Variants in APPL2 observed in about 807,000 individuals in gnomAD.
The protein encoded by APPL2 is adaptor protein, phosphotyrosine interacting with PH domain and leucine zipper 2, also known as DCC-interacting protein 13-beta.
A neutral mutation model predicts 92.7 loss-of-function variants in APPL2; 84 were observed. That is an observed-to-expected ratio of 0.91 (90% CI 0.76 to 1.09). APPL2 has a LOEUF of 1.09. APPL2 is among the 50% of genes least tolerant of loss of function. APPL2 has a pLI of 0.00. For missense variants in APPL2, 736 were observed against 824.5 expected, an observed-to-expected ratio of 0.89 and a Z score of 1.31; for synonymous variants, 291 against 291.0, an observed-to-expected ratio of 1.00 and a Z score of 0.00.
chr12:105,199,501 T>C lies in APPL2; in HGVS notation c.735A>G (p.Glu245=), dbSNP rs756266668. ...SIQVELEAEA[E]KMRVSQQELL... Reference sequence around the variant, plus strand: ...ATTCTTGCTGGGACACCCGCATCTTTTCCGCCTCGGCTTCCAGTTCTACCT... The same window carrying C: ...ATTCTTGCTGGGACACCCGCATCTTCTCCGCCTCGGCTTCCAGTTCTACCT... The change falls in exon 10 of 21, where the codon GAA becomes GAG. Residue 245 remains glutamate (E), a synonymous_variant. Coordinates refer to ENST00000258530, the MANE Select transcript of APPL2 (RefSeq NM_018171.5). 6.2e-7 allele frequency: 1 copy of C among 1,613,974 alleles called. No individual in the cohort carries two copies. The highest frequency in any genetic ancestry group is 1.1e-5 in the South Asian group (1 of 91,066).
chr12:105,186,675 A>ATATCATATATATCATATATGATATAT (rs1566056470), intron 17 of APPL2, among the ~76,000 whole-genome samples: 1 of 94,520 alleles, frequency 1.1e-5, no homozygotes, highest in African/African-American at 3.8e-5. Context: ...CATATATATG[A>ATATCATATATATCATATATGATATAT]TATATCATAT....
chr12:105,224,197 G>A (rs538506138), intron 2 of APPL2, among the ~76,000 whole-genome samples: 33 of 152,272 alleles, frequency 2.2e-4, no homozygotes, highest in African/African-American at 7.2e-4. Context: ...TGCTCCCTCC[G>A]ACCTTAAGCT....
chr12:105,196,545 C>T (rs1349037330), intron 11 of APPL2, among the ~76,000 whole-genome samples: 17 of 149,398 alleles, frequency 1.1e-4, no homozygotes, highest in African/African-American at 4.2e-4. Context: ...AAGCGATTCT[C>T]CTGCCTCAGC....
At position 105,199,413 on chromosome 12, in the gene APPL2, T is replaced by C. The variant is rs1176250330; in HGVS notation, c.823A>G (p.Arg275Gly). ...DSDVAAPQIN[R>G]NLIQKAGYLN... ...TAACCAGCCTTCTGGATGAGGTTCC[T>C]GTTGATCTGTGGTGCGGCCACATCA... The change falls in exon 10 of 21, where the codon AGG (arginine) becomes GGG (glycine). Residue 275 changes from arginine to glycine, a missense_variant. Transcript: ENST00000258530. The C allele has an allele frequency of 1.2e-6, 2 of 1,613,974 alleles. No homozygotes were observed. Among genetic ancestry groups the C allele is most frequent in the Admixed American group, 1.7e-5 (1 of 59,998 alleles).
intron 7 of APPL2, 92 bp downstream of exon 7, chr12:105,207,879 C>A: frequency 1.7e-6 from 2 of 1,184,970 alleles, no homozygotes; most frequent in Non-Finnish European, 2.5e-6. Context: ...AAAAAATAAC[C>A]ACGCACCCTT....
intron 2 of APPL2, among the ~76,000 whole-genome samples, chr12:105,228,622 G>A (rs779644118): frequency 5.3e-5 from 8 of 152,106 alleles, no homozygotes; most frequent in Non-Finnish European, 1.2e-4. Flanking sequence ...TTGCTACTCA[G>A]CAATTTCTTT....
chr12:105,212,811 G>A (rs1889338224), intron 4 of APPL2, among the ~76,000 whole-genome samples: 1 of 152,226 alleles, frequency 6.6e-6, no homozygotes, highest in Non-Finnish European at 1.5e-5. Context: ...CTTCGAGGCT[G>A]TGGCTTCAGA....
chr12:105,208,659 T>TGCTTGG (rs1888964006), intron 5 of APPL2, among the ~76,000 whole-genome samples: 1 of 152,192 alleles, frequency 6.6e-6, no homozygotes, highest in Non-Finnish European at 1.5e-5. Flanking sequence ...GACAAAGGAA[T>TGCTTGG]ACGCGGTGCT....
chr12:105,211,335 G>A lies in APPL2; in HGVS notation c.286-18C>T, dbSNP rs760785531. ...AGATTAAGCTGAAAGAAAGAGAATGGTATTCAAGTAAATTAAATACATTAT... is the reference window on the plus strand; with the variant it reads ...AGATTAAGCTGAAAGAAAGAGAATGATATTCAAGTAAATTAAATACATTAT... On this transcript the variant is annotated intron_variant, in intron 4 of 20. Coordinates refer to ENST00000258530, the MANE Select transcript of APPL2 (RefSeq NM_018171.5). The A allele has an allele frequency of 6.5e-7, 1 of 1,539,386 alleles. No individual in the cohort carries two copies. The highest frequency in any genetic ancestry group is 9.0e-7 in the Non-Finnish European group (1 of 1,113,010).
At chr12:105,175,837 A>G (rs1207553480) in intron 20 of APPL2, among the ~76,000 whole-genome samples, 198 bp downstream of exon 20, 2 of 151,370 alleles carry the variant, frequency 1.3e-5, no homozygotes, top group Non-Finnish European at 2.9e-5. Flanking sequence ...CAGCAGTGAT[A>G]AGAAGTCCTC....
At chr12:105,191,033 G>A (rs1412005126) in intron 14 of APPL2, among the ~76,000 whole-genome samples, 1 of 152,228 alleles carries the variant, frequency 6.6e-6, no homozygotes, top group Admixed American at 6.5e-5. Flanking sequence ...AAAGCTCTCA[G>A]TGATCTTTCT....
chr12:105,194,652 C>T (rs1038796173), intron 14 of APPL2, among the ~76,000 whole-genome samples: 4 of 151,976 alleles, frequency 2.6e-5, no homozygotes, highest in Admixed American at 2.0e-4. Context: ...GATTACTCCA[C>T]TGCACTCCAG....
At chr12:105,203,874 CCATCA>C in intron 8 of APPL2, 89 bp from the exon 9 acceptor site, 4 of 1,182,644 alleles carry the variant, frequency 3.4e-6, no homozygotes, top group Non-Finnish European at 5.0e-6. Flanking sequence ...GTGAGGGCAG[CCATCA>C]CAGCTGGCTG....
At chr12:105,210,194 T>C (rs913080085) in intron 5 of APPL2, among the ~76,000 whole-genome samples, 2 of 151,948 alleles carry the variant, frequency 1.3e-5, no homozygotes, top group Admixed American at 1.3e-4. Context: ...TCTCCTGACC[T>C]AGTGATCCGC....
At chr12:105,199,589 G>C in intron 9 of APPL2, 58 bp from the exon 10 acceptor site, 1 of 1,549,684 alleles carries the variant, frequency 6.5e-7, no homozygotes. Flanking sequence ...GCACTACTAA[G>C]AAGCCACTGG....
intron 17 of APPL2, among the ~76,000 whole-genome samples, chr12:105,186,763 G>C (rs1235650513): frequency 6.8e-6 from 1 of 146,722 alleles, no homozygotes; most frequent in Non-Finnish European, 1.5e-5. Flanking sequence ...CTGTGAGACA[G>C]TGTGCATGCG....
rs769876945 is a variant in APPL2 at position 105,189,852 on chromosome 12, C to T, written c.1407-28G>A. On this transcript the variant is annotated intron_variant, in intron 15 of 20. Transcript: ENST00000258530. ...AGGGGAATAGCCAGAGTTGAACAAA[C>T]ACGACAGCTGCAGCTAGAAGGGCAC... 2.5e-6 allele frequency: 4 copies of T among 1,613,914 alleles called. No homozygotes were observed. The South Asian group carries it at 4.4e-5, about 18-fold the overall frequency.
intron 2 of APPL2, among the ~76,000 whole-genome samples, chr12:105,223,932 C>A (rs531127431): frequency 4.6e-5 from 7 of 152,180 alleles, no homozygotes; most frequent in Non-Finnish European, 7.3e-5. Context: ...AGGCAATCAA[C>A]TGATGATGGC....
chr12:105,231,756 T>A (rs187872232), intron 1 of APPL2, among the ~76,000 whole-genome samples: 6 of 152,352 alleles, frequency 3.9e-5, no homozygotes, highest in Admixed American at 3.3e-4. Flanking sequence ...ATCGTGGAAA[T>A]GCAACTGTGA....
Sources: allele counts gnomAD v4.1 joint callset (sites outside exome capture counted in the v4.1 genomes callset), GRCh38; gene constraint gnomAD v4.1.1; transcripts MANE v1.5; gene names NCBI Gene and HGNC (gene_info 2026-07-23, HGNC 2026-07-21).